Variants in AGO2 observed in about 807,000 individuals in gnomAD.
AGO2 encodes protein argonaute-2.
Under a neutral mutation model 102.3 loss-of-function variants are expected in AGO2, and 5 were observed. That is an observed-to-expected ratio of 0.05 (90% CI 0.03 to 0.10). AGO2 has a LOEUF of 0.10. Ranked by LOEUF, AGO2 falls within the 10% of genes least tolerant of loss-of-function variation. The pLI, the probability that AGO2 is intolerant of heterozygous loss-of-function variation, is 1.00. For synonymous variants in AGO2, 449 were observed against 473.1 expected (o/e 0.95, Z 0.66); for missense variants, 541 against 1,183.7 (o/e 0.46, Z 7.97).
At position 140,525,021 on chromosome 8, in the gene AGO2, A is replaced by G. The variant is rs559654092; in HGVS notation, c.*7023T>C. The G allele has an allele frequency of 6.6e-6, 1 of 152,302 alleles. No homozygotes were observed. The highest frequency in any genetic ancestry group is 2.1e-4 in the South Asian group (1 of 4,828). 9.4% of individuals were successfully genotyped at this position (152,302 alleles called of 1,614,324 possible). Reference sequence around the variant, plus strand: ...CCAAGGAGGTTTTAAATAGGAGATAACTCAGCCTCTTCCTACCCCCCAAAA... The same window carrying G: ...CCAAGGAGGTTTTAAATAGGAGATAGCTCAGCCTCTTCCTACCCCCCAAAA... On this transcript the variant is annotated 3_prime_UTR_variant, in exon 19 of 19. Coordinates refer to ENST00000220592, the MANE Select transcript of AGO2 (RefSeq NM_012154.5).
chr8:140,602,031 A>G (rs2073941119), intron 1 of AGO2, among the ~76,000 whole-genome samples: 1 of 152,210 alleles, frequency 6.6e-6, no homozygotes, highest in African/African-American at 2.4e-5. Flanking sequence ...ATGAAGGAAA[A>G]ATAAGCTTCT....
intron 3 of AGO2, among the ~76,000 whole-genome samples, 159 bp from the exon 4 acceptor site, chr8:140,562,793 T>C (rs929835953): frequency 4.6e-5 from 7 of 152,146 alleles, no homozygotes. Flanking sequence ...GCACTTGAAA[T>C]ATGACCAAGG....
chr8:140,564,869 C>T (rs1230081906), intron 3 of AGO2, among the ~76,000 whole-genome samples: 1 of 152,244 alleles, frequency 6.6e-6, no homozygotes, highest in African/African-American at 2.4e-5. Flanking sequence ...GGCGCAGTGG[C>T]TCACACCTGT....
chr8:140,590,622 C>G (rs906453411), intron 1 of AGO2, among the ~76,000 whole-genome samples: 2 of 152,250 alleles, frequency 1.3e-5, no homozygotes, highest in African/African-American at 4.8e-5. Context: ...CCCACCTCCA[C>G]AGGGGAGGCT....
rs562345023 is a variant in AGO2, at chr8:140,568,943, C to T, written c.336+3869G>A. ...TGCAGGTCAGCCCCAAAGATGCTTGCGCCAGGCCCAGGCTGGGCAGGCTCC... is the reference window on the plus strand; with the variant it reads ...TGCAGGTCAGCCCCAAAGATGCTTGTGCCAGGCCCAGGCTGGGCAGGCTCC... On this transcript the variant is annotated intron_variant, in intron 3 of 18. Coordinates refer to ENST00000220592, the MANE Select transcript of AGO2 (RefSeq NM_012154.5). Among the ~76,000 whole-genome samples, 24 of 152,314 alleles carry T rather than the reference C, an allele frequency of 1.6e-4. 1 individual carries two copies. The highest frequency in any genetic ancestry group is 1.2e-3 in the South Asian group (6 of 4,834).
At position 140,541,287 on chromosome 8, in the gene AGO2, C is replaced by G; in HGVS notation, c.1911G>C (p.Glu637Asp). Residue 637 changes from glutamate to aspartate, a missense_variant, in exon 15 of 19, where the codon GAG becomes GAC. By Grantham distance (45) the Glu-to-Asp change is conservative. Coordinates refer to ENST00000220592, the MANE Select transcript of AGO2 (RefSeq NM_012154.5). ...CCATGGCGGCCAGGTCTTGTATGATCTCCTGCCGGTGCTGCTGCACGCGCA... is the reference window on the plus strand; with the variant it reads ...CCATGGCGGCCAGGTCTTGTATGATGTCCTGCCGGTGCTGCTGCACGCGCA... ...ATVRVQQHRQ[E>D]IIQDLAAMVR... 6.2e-7 allele frequency: 1 copy of G among 1,613,636 alleles called. No individual in the cohort carries two copies.
chr8:140,583,740 T>C (rs1191714413), intron 2 of AGO2, among the ~76,000 whole-genome samples: 6 of 152,148 alleles, frequency 3.9e-5, no homozygotes, highest in Non-Finnish European at 5.9e-5. Context: ...CCAGGTGTGG[T>C]GGCAGGTGCC....
intron 1 of AGO2, among the ~76,000 whole-genome samples, chr8:140,604,203 C>A (rs1329707800): frequency 6.6e-6 from 1 of 152,220 alleles, no homozygotes; most frequent in Non-Finnish European, 1.5e-5. Context: ...TCAAACTCAT[C>A]AGAATGAGTG....
chr8:140,581,275 G>C (rs931392791), intron 2 of AGO2, among the ~76,000 whole-genome samples: 1 of 152,244 alleles, frequency 6.6e-6, no homozygotes, highest in Non-Finnish European at 1.5e-5. Flanking sequence ...AGCACTTTGA[G>C]AGGCCAAGGC....
chr8:140,568,564 G>A (rs534274541), intron 3 of AGO2, among the ~76,000 whole-genome samples: 3 of 152,332 alleles, frequency 2.0e-5, no homozygotes, highest in Admixed American at 6.5e-5. Flanking sequence ...AGCCCAGGCC[G>A]AGAGACAGCT....
chr8:140,619,837 G>T (rs146717042), intron 1 of AGO2, among the ~76,000 whole-genome samples: 1 of 152,208 alleles, frequency 6.6e-6, no homozygotes, highest in African/African-American at 2.4e-5. Flanking sequence ...AAACCCTGCT[G>T]GGGTGGATGT....
In AGO2 at chr8:140,589,142, G is replaced by GA. The variant is rs2073709450; in HGVS notation, c.23-3832dup. On this transcript the variant is annotated intron_variant, in intron 1 of 18. Coordinates refer to ENST00000220592, the MANE Select transcript of AGO2 (RefSeq NM_012154.5). This position sits in a 1 kb window ranked among gnomAD's most constrained non-coding sequence, Gnocchi z 4.2. ...GCTCCTCCCCGACTTTTCAGGGAGGGATGTGGAGCAGACTCTGTGCCACCT... is the reference window on the plus strand; with the variant it reads ...GCTCCTCCCCGACTTTTCAGGGAGGGAATGTGGAGCAGACTCTGTGCCACCT... Among the ~76,000 whole-genome samples the GA allele has an allele frequency of 6.6e-6, 1 of 152,214 alleles. No homozygotes were observed. Among genetic ancestry groups the GA allele is most frequent in the African/African-American group, 2.4e-5 (1 of 41,456 alleles).
intron 3 of AGO2, 119 bp downstream of exon 3, chr8:140,572,693 G>T: frequency 2.1e-6 from 3 of 1,396,208 alleles, no homozygotes; most frequent in Non-Finnish European, 2.9e-6. Flanking sequence ...GCAGTGAACT[G>T]CTCTCTCCTC....
In AGO2 at chr8:140,521,757, C is replaced by A. The variant is rs1452523934; in HGVS notation, c.*10287G>T. 1.3e-5 allele frequency: 2 copies of A among 152,234 alleles called. No homozygotes were observed. The highest frequency in any genetic ancestry group is 2.9e-5 in the Non-Finnish European group (2 of 68,046). The allele number at this position is 152,234 out of a possible 1,614,324, so 9.4% of individuals were successfully genotyped here. On this transcript the variant is annotated 3_prime_UTR_variant, in exon 19 of 19. Coordinates refer to ENST00000220592, the MANE Select transcript of AGO2 (RefSeq NM_012154.5). ...TTTCTGTCCATGGCCATTAGCACCT[C>A]CACCAGGTAGGTCAGGAGAGATGAA... is the stretch of plus-strand genomic sequence containing the variant.
At position 140,560,278 on chromosome 8, in the gene AGO2, G is replaced by A. The variant is rs555622204; in HGVS notation, c.655+96C>T. 4.1e-5 allele frequency: 62 copies of A among 1,515,718 alleles called. No individual in the cohort carries two copies. The African/African-American group carries it at 6.6e-4, about 16-fold the overall frequency. 93.9% of individuals were successfully genotyped at this position (1,515,718 alleles called of 1,614,324 possible). A position where few individuals can be genotyped will look rare whatever the true frequency, so the allele number is the denominator to read the frequency against. Reference sequence around the variant, plus strand: ...GCGCTGGCTCTGACAGAGGCCATGCGTGGAGCTGGCCACATGCCACCCCCC... The same window carrying A: ...GCGCTGGCTCTGACAGAGGCCATGCATGGAGCTGGCCACATGCCACCCCCC... On this transcript the variant is annotated intron_variant, in intron 5 of 18. Transcript: ENST00000220592.
intron 10 of AGO2, among the ~76,000 whole-genome samples, chr8:140,554,020 C>G (rs1022491132): frequency 6.6e-6 from 1 of 152,216 alleles, no homozygotes; most frequent in Non-Finnish European, 1.5e-5. Flanking sequence ...CTCTTAATCC[C>G]TACACTCTTG....
chr8:140,551,759 G>A (rs922179707), intron 10 of AGO2, among the ~76,000 whole-genome samples: 1 of 147,420 alleles, frequency 6.8e-6, no homozygotes, highest in Non-Finnish European at 1.5e-5. Flanking sequence ...TGGGTGGTCC[G>A]TTGATGATCG....
intron 1 of AGO2, among the ~76,000 whole-genome samples, chr8:140,610,463 C>A (rs1421727412): frequency 6.6e-6 from 1 of 152,184 alleles, no homozygotes; most frequent in East Asian, 1.9e-4. Context: ...AGGTGATCCA[C>A]CCACCTCAGC....
intron 1 of AGO2, among the ~76,000 whole-genome samples, chr8:140,612,522 T>C (rs537573899): frequency 5.3e-5 from 8 of 152,168 alleles, no homozygotes; most frequent in Non-Finnish European, 1.2e-4. Flanking sequence ...TCTCAGCACT[T>C]TGGGAGGCTG....
Sources: allele counts gnomAD v4.1 joint callset (sites outside exome capture counted in the v4.1 genomes callset), GRCh38; gene constraint gnomAD v4.1.1; non-coding constraint Gnocchi (gnomAD v3.1); transcripts MANE v1.5; gene names NCBI Gene and HGNC (gene_info 2026-07-23, HGNC 2026-07-21).